Variants in RFX1 observed in about 807,000 individuals in gnomAD.
RFX1 encodes regulatory factor X1, also known as MHC class II regulatory factor RFX1.
RFX1 carries 42 observed loss-of-function variants against 119.6 expected under a neutral mutation model. The observed-to-expected ratio is 0.35, with a 90% CI of 0.27 to 0.45. The LOEUF (loss-of-function observed/expected upper bound fraction) is 0.45, where lower values mean the gene tolerates loss of function less well. RFX1 is among the 20% of genes least tolerant of loss of function. RFX1 has a pLI of 1.00. For synonymous variants in RFX1, 628 were observed against 618.5 expected, an observed-to-expected ratio of 1.02 and a Z score of -0.23; for missense variants, 1,118 against 1,368.1, an observed-to-expected ratio of 0.82 and a Z score of 2.88.
At position 13,985,122 on chromosome 19, in the gene RFX1, G is replaced by T. The variant is rs1331064908; in HGVS notation, c.320-1527C>A. Among the ~76,000 whole-genome samples, 1 of 151,832 alleles carries T rather than the reference G, an allele frequency of 6.6e-6. No homozygotes were observed. The highest frequency in any genetic ancestry group is 2.1e-4 in the South Asian group (1 of 4,810). ...AGCAATCCACCTGCTTCCATCTCCC[G>T]AAGTGCCGGAATTACCGGCGTGAGC... On this transcript the variant is annotated intron_variant, in intron 2 of 20. Transcript: ENST00000254325. This position sits in a 1 kb window ranked among gnomAD's most constrained non-coding sequence, Gnocchi z 4.3.
rs1164093272 is a variant in RFX1, at chr19:14,002,893, G to T, written c.-53+3210C>A. Reference sequence around the variant, plus strand: ...CTCGGCTCCAGAGACGCCATTCCAAGCTCCCCACCGTTCCCACAATGTCCA... The same window carrying T: ...CTCGGCTCCAGAGACGCCATTCCAATCTCCCCACCGTTCCCACAATGTCCA... On this transcript the variant is annotated intron_variant, in intron 1 of 20. Coordinates refer to ENST00000254325, the MANE Select transcript of RFX1 (RefSeq NM_002918.5). Among the ~76,000 whole-genome samples the T allele has an allele frequency of 1.3e-5, 2 of 152,188 alleles. 1 individual carries two copies. Among genetic ancestry groups the T allele is most frequent in the Admixed American group, 1.3e-4 (2 of 15,278 alleles).
Position 13,979,435 on chromosome 19 carries a change from G to A in RFX1, c.834+12C>T. The A allele has an allele frequency of 6.4e-7, 1 of 1,551,778 alleles. No homozygotes were observed. The highest frequency in any genetic ancestry group is 8.8e-7 in the Non-Finnish European group (1 of 1,142,494). On this transcript the variant is annotated intron_variant, in intron 7 of 20. Coordinates refer to ENST00000254325, the MANE Select transcript of RFX1 (RefSeq NM_002918.5). ...CCCCTTTGCCCGTGGGGTAGGAGGG[G>A]GAGACACACACCTCTTGAGCCACGT...
Position 13,963,632 on chromosome 19 carries a change from C to G in RFX1, c.2476G>C (p.Asp826His). ...NSLEQWAAWL[D>H]GVVSQVLKPY... ...TTGAGCACCTGGCTCACCACGCCGTCCAGCCAGGCCGCCCACTGCTCCAGC... is the reference window on the plus strand; with the variant it reads ...TTGAGCACCTGGCTCACCACGCCGTGCAGCCAGGCCGCCCACTGCTCCAGC... Residue 826 changes from aspartate to histidine, a missense_variant, in exon 18 of 21, where the codon GAC (aspartate) becomes CAC (histidine). This residue lies in a region of RFX1 where 68 missense variants were observed against 67.2 expected (regional missense o/e 1.01). Transcript: ENST00000254325. The G allele has an allele frequency of 6.2e-7, 1 of 1,601,796 alleles. No homozygotes were observed. Among genetic ancestry groups the G allele is most frequent in the Non-Finnish European group, 8.5e-7 (1 of 1,177,656 alleles).
In RFX1 at chr19:13,990,278, G is replaced by A. The variant is rs1169879744; in HGVS notation, c.319+3247C>T. On this transcript the variant is annotated intron_variant, in intron 2 of 20. Transcript: ENST00000254325. This position sits in a 1 kb window ranked among gnomAD's most constrained non-coding sequence, Gnocchi z 4.1. Reference sequence around the variant, plus strand: ...AGAGGACCACGGAGGGGCTGCGGGCGGTGGGCGGAGACCAGGGCAGTGTGG... The same window carrying A: ...AGAGGACCACGGAGGGGCTGCGGGCAGTGGGCGGAGACCAGGGCAGTGTGG... Among the ~76,000 whole-genome samples, 5 of 152,258 alleles carry A rather than the reference G, an allele frequency of 3.3e-5. No individual in the cohort carries two copies. The highest frequency in any genetic ancestry group is 6.5e-5 in the Admixed American group (1 of 15,280).
At chr19:13,994,768 CT>C (rs1974934920) in intron 1 of RFX1, among the ~76,000 whole-genome samples, 1 of 130,092 alleles carries the variant, frequency 7.7e-6, no homozygotes, top group South Asian at 2.5e-4. Flanking sequence ...TATTTTTTTA[CT>C]TATATATTGA....
At position 13,963,005 on chromosome 19, in the gene RFX1, T is replaced by TCCAGGGGAA; in HGVS notation, c.2758_2759insTTCCCCTGG (p.Leu919_Asp920insValProLeu). The stretch of plus-strand genomic sequence containing the variant: ...CACGCCTCGCCTACCTTTGTCGGGG[T>TCCAGGGGAA]CCAGGGGGTTCAGGGAGGTGGCCAG... On this transcript the variant is annotated inframe_insertion, in exon 20 of 21. Transcript: ENST00000254325. 1 of 1,551,768 alleles carries TCCAGGGGAA rather than the reference T, an allele frequency of 6.4e-7. No individual in the cohort carries two copies. The highest frequency in any genetic ancestry group is 8.7e-7 in the Non-Finnish European group (1 of 1,147,294).
In RFX1 at chr19:13,966,218, C is replaced by G. The variant is rs1175336482; in HGVS notation, c.1961+203G>C. Among the ~76,000 whole-genome samples, 1 of 152,186 alleles carries G rather than the reference C, an allele frequency of 6.6e-6. No individual in the cohort carries two copies. Among genetic ancestry groups the G allele is most frequent in the Non-Finnish European group, 1.5e-5 (1 of 68,016 alleles). On this transcript the variant is annotated intron_variant, in intron 14 of 20. Transcript: ENST00000254325. The surrounding 1 kb of genome is among the most constrained non-coding windows in gnomAD (Gnocchi z 6.3). ...GCCACTCCAGGGAGAAGATGGTGCC[C>G]TGCCCCATGCCTGGGCTTAGTCAGG...
At position 13,997,788 on chromosome 19, in the gene RFX1, C is replaced by T. The variant is rs374356191; in HGVS notation, c.-52-3893G>A. Among the ~76,000 whole-genome samples the T allele has an allele frequency of 4.5e-3, 688 of 152,228 alleles. 9 individuals are homozygous for T. The highest frequency in any genetic ancestry group is 0.016 in the African/African-American group (645 of 41,556). On this transcript the variant is annotated intron_variant, in intron 1 of 20. Transcript: ENST00000254325. ...AGTGGAGGCAGGCAGGATGAGAAGC[C>T]GTTTGGGGCCTTCCCACCTAGCAGG...
At position 13,962,405 on chromosome 19, in the gene RFX1, G is replaced by C; in HGVS notation, c.*290C>G. ...GACGGGGCTGGGGAGAAGACGCTGG[G>C]GCCTGGGAGGGGGGCGGCCAAGGGG... On this transcript the variant is annotated 3_prime_UTR_variant, in exon 21 of 21. Transcript: ENST00000254325. 2.1e-6 allele frequency: 1 copy of C among 472,414 alleles called. No homozygotes were observed. Among genetic ancestry groups the C allele is most frequent in the Non-Finnish European group, 3.8e-6 (1 of 266,218 alleles). 29.3% of individuals were successfully genotyped at this position (472,414 alleles called of 1,614,324 possible).
At chr19:14,005,161 C>T (rs1975333025) in intron 1 of RFX1, among the ~76,000 whole-genome samples, 1 of 152,218 alleles carries the variant, frequency 6.6e-6, no homozygotes, top group South Asian at 2.1e-4. Flanking sequence ...CCCCCGCAAC[C>T]TCAAACCAGG....
At chr19:13,982,071 G>A in intron 5 of RFX1, 50 bp downstream of exon 5, 1 of 988,524 alleles carries the variant, frequency 1.0e-6, no homozygotes, top group Non-Finnish European at 1.4e-6. Context: ...ATACATTGCT[G>A]ACCTCGGGAG....
Position 13,977,973 on chromosome 19 carries a change from C to A in RFX1, c.929+19G>T. ...AGTGCAGACCTGACTCCCTCACCCA[C>A]CCCTCTCCCTTCACTTACATGGCAC... On this transcript the variant is annotated intron_variant, in intron 8 of 20. Coordinates refer to ENST00000254325, the MANE Select transcript of RFX1 (RefSeq NM_002918.5). 1 of 1,589,766 alleles carries A rather than the reference C, an allele frequency of 6.3e-7. No homozygotes were observed. The highest frequency in any genetic ancestry group is 1.7e-4 in the Middle Eastern group (1 of 5,986).
At chr19:13,988,002 G>C (rs890795974) in intron 2 of RFX1, among the ~76,000 whole-genome samples, 4 of 150,020 alleles carry the variant, frequency 2.7e-5, no homozygotes, top group Admixed American at 2.0e-4. Flanking sequence ...CCTTGCTCTT[G>C]ACTTGCTCTT....
chr19:13,971,984 G>C (rs1351512777), intron 9 of RFX1, among the ~76,000 whole-genome samples: 1 of 152,020 alleles, frequency 6.6e-6, no homozygotes, highest in Admixed American at 6.6e-5. Flanking sequence ...TCAGCCTGGC[G>C]ACAGAGCAAG....
intron 1 of RFX1, among the ~76,000 whole-genome samples, chr19:13,995,027 C>G (rs1468481753): frequency 6.7e-6 from 1 of 148,194 alleles, no homozygotes; most frequent in Non-Finnish European, 1.5e-5. Context: ...CCTTAGCCTC[C>G]CAAAAAGTGC....
rs1048473420 is a variant in RFX1 at position 13,962,278 on chromosome 19, A to G, written c.*417T>C. 2 of 178,946 alleles carry G rather than the reference A, an allele frequency of 1.1e-5. No individual in the cohort carries two copies. Among genetic ancestry groups the G allele is most frequent in the African/African-American group, 4.8e-5 (2 of 42,050 alleles). 11.1% of individuals were successfully genotyped at this position (178,946 alleles called of 1,614,324 possible). A position where few individuals can be genotyped will look rare whatever the true frequency, so the allele number is the denominator to read the frequency against. Reference sequence around the variant, plus strand: ...GCCCACCTGCGCCGGCCCGGGGCTCAGGGCTGGGCCCAGGACAGGCTGTGC... The same window carrying G: ...GCCCACCTGCGCCGGCCCGGGGCTCGGGGCTGGGCCCAGGACAGGCTGTGC... On this transcript the variant is annotated 3_prime_UTR_variant, in exon 21 of 21. Coordinates refer to ENST00000254325, the MANE Select transcript of RFX1 (RefSeq NM_002918.5).
chr19:13,995,424 G>A (rs541195487), intron 1 of RFX1, among the ~76,000 whole-genome samples: 1 of 152,194 alleles, frequency 6.6e-6, no homozygotes, highest in South Asian at 2.1e-4. Flanking sequence ...CCTCTGTCTG[G>A]GAGCAGTTAT....
In RFX1 at chr19:13,962,454, A is replaced by C; in HGVS notation, c.*241T>G. ...GGCCGAGCTGGATGCCCCGCGGGGC[A>C]CCTGGGCACGCGGCGGGTTCCTTAA... is the stretch of plus-strand genomic sequence containing the variant. On this transcript the variant is annotated 3_prime_UTR_variant, in exon 21 of 21. Coordinates refer to ENST00000254325, the MANE Select transcript of RFX1 (RefSeq NM_002918.5). The C allele has an allele frequency of 2.0e-6, 1 of 499,472 alleles. No homozygotes were observed. The highest frequency in any genetic ancestry group is 3.5e-6 in the Non-Finnish European group (1 of 283,288). The allele number at this position is 499,472 out of a possible 1,614,324, so 30.9% of individuals were successfully genotyped here.
intron 1 of RFX1, among the ~76,000 whole-genome samples, chr19:14,000,291 G>T (rs566091020): frequency 6.6e-6 from 1 of 152,262 alleles, no homozygotes; most frequent in South Asian, 2.1e-4. Context: ...TTTGAAGCCA[G>T]TCTAGCCAAC....
Sources: allele counts gnomAD v4.1 joint callset (sites outside exome capture counted in the v4.1 genomes callset), GRCh38; gene constraint gnomAD v4.1.1; regional missense constraint gnomAD v4.1.1; non-coding constraint Gnocchi (gnomAD v3.1); transcripts MANE v1.5; gene names NCBI Gene and HGNC (gene_info 2026-07-23, HGNC 2026-07-21).